CASZ1: variants seen among roughly 807,000 people sequenced by gnomAD.
CASZ1 encodes castor zinc finger 1, also known as zinc finger protein castor homolog 1.
Under a neutral mutation model 135.2 loss-of-function variants are expected in CASZ1, and 28 were observed. The observed-to-expected ratio is 0.21, with a 90% CI of 0.15 to 0.28. CASZ1 has a LOEUF of 0.28. Ranked by LOEUF, CASZ1 falls within the 10% of genes least tolerant of loss-of-function variation. The pLI is 1.00. For synonymous variants in CASZ1, 1,068 were observed against 1,073.4 expected (o/e 0.99, Z 0.10); for missense variants, 2,161 against 2,453.3 (o/e 0.88, Z 2.52).
intron 1 of CASZ1, among the ~76,000 whole-genome samples, chr1:10,764,412 T>G (rs1178649941): frequency 6.6e-6 from 1 of 152,248 alleles, no homozygotes; most frequent in Non-Finnish European, 1.5e-5. Context: ...TAGGCCAAAG[T>G]GAGAACTCTT....
In CASZ1 at chr1:10,707,591, G is replaced by A. The variant is rs1046587027; in HGVS notation, c.-76-2047C>T. On this transcript the variant is annotated intron_variant, in intron 2 of 20. Coordinates refer to ENST00000377022, the MANE Select transcript of CASZ1 (RefSeq NM_001079843.3). The surrounding 1 kb of genome is among the most constrained non-coding windows in gnomAD (Gnocchi z 5.0). ...CGTACAGGGACCAGGACATGCACGGGGTCCTGTACCCCACCTGCCCAGGGC... is the reference window on the plus strand; with the variant it reads ...CGTACAGGGACCAGGACATGCACGGAGTCCTGTACCCCACCTGCCCAGGGC... Among the ~76,000 whole-genome samples, 7 of 152,066 alleles carry A rather than the reference G, an allele frequency of 4.6e-5. No individual in the cohort carries two copies. The highest frequency in any genetic ancestry group is 1.7e-4 in the African/African-American group (7 of 41,374).
chr1:10,725,714 GC>G lies in CASZ1; in HGVS notation c.-76-20171del, dbSNP rs1002283401. 1.3e-5 allele frequency among the ~76,000 whole-genome samples: 2 copies of G among 150,478 alleles called. No homozygotes were observed. The highest frequency in any genetic ancestry group is 2.5e-5 in the African/African-American group (1 of 40,518). ...GGAGGTGGAAGCCAGGTTCTGGAAAGCCCTTTTTTTTTTTTTACTAGGAGAC... is the reference window on the plus strand; with the variant it reads ...GGAGGTGGAAGCCAGGTTCTGGAAAGCCTTTTTTTTTTTTTACTAGGAGAC... On this transcript the variant is annotated intron_variant, in intron 2 of 20. Coordinates refer to ENST00000377022, the MANE Select transcript of CASZ1 (RefSeq NM_001079843.3). This position sits in a 1 kb window ranked among gnomAD's most constrained non-coding sequence, Gnocchi z 4.4.
rs776099431 is a variant in CASZ1, at chr1:10,653,477, G to A, written c.2580C>T (p.Ala860=). The A allele has an allele frequency of 6.2e-7, 1 of 1,613,118 alleles. No homozygotes were observed. Among genetic ancestry groups the A allele is most frequent in the Non-Finnish European group, 8.5e-7 (1 of 1,179,916 alleles). Residue 860 remains alanine, a synonymous_variant, in exon 11 of 21, where the codon GCC becomes GCT. Coordinates refer to ENST00000377022, the MANE Select transcript of CASZ1 (RefSeq NM_001079843.3). ...VAAASVPAPP[A]SIMERISASK... is the part of the protein sequence containing the mutation. ...TTGCAGAGATCCTCTCCATGATGGAGGCGGGTGGTGCCGGGACAGAGGCGG... is the reference window on the plus strand; with the variant it reads ...TTGCAGAGATCCTCTCCATGATGGAAGCGGGTGGTGCCGGGACAGAGGCGG...
intron 1 of CASZ1, among the ~76,000 whole-genome samples, chr1:10,792,392 T>C (rs567869249): frequency 1.2e-5 from 1 of 86,212 alleles, no homozygotes; most frequent in Non-Finnish European, 2.1e-5. Flanking sequence ...TTGGGGGGGG[T>C]GTCCAGTTGA....
chr1:10,668,974 G>A (rs1265494683), intron 4 of CASZ1, among the ~76,000 whole-genome samples: 1 of 152,224 alleles, frequency 6.6e-6, no homozygotes, highest in East Asian at 1.9e-4. Flanking sequence ...GGGGCGGGCT[G>A]GCCTCTCAGC....
intron 1 of CASZ1, among the ~76,000 whole-genome samples, chr1:10,765,709 C>T (rs568284636): frequency 1.7e-4 from 26 of 152,308 alleles, no homozygotes; most frequent in Admixed American, 1.5e-3. Flanking sequence ...GGCAAGAACG[C>T]AGCTCAAGTG....
intron 2 of CASZ1, among the ~76,000 whole-genome samples, chr1:10,728,689 G>C (rs962243593): frequency 6.6e-5 from 10 of 151,890 alleles, no homozygotes; most frequent in African/African-American, 2.4e-4. Flanking sequence ...ACCCCGGCTT[G>C]AAAAAAAGCC....
At chr1:10,791,341 A>C (rs1270525375) in intron 1 of CASZ1, among the ~76,000 whole-genome samples, 1 of 152,238 alleles carries the variant, frequency 6.6e-6, no homozygotes, top group Non-Finnish European at 1.5e-5. Context: ...TTTCCAATTA[A>C]CTAGACTGGG....
At chr1:10,651,665 G>A (rs1465861180) in intron 11 of CASZ1, 5 of 152,548 alleles carry the variant, frequency 3.3e-5, no homozygotes, top group East Asian at 1.9e-4. Context: ...GGAGCTGGGC[G>A]GGTGAGGCCG....
rs147686383 is a variant in CASZ1, at chr1:10,702,643, G to A, written c.-24+2849C>T. On this transcript the variant is annotated intron_variant, in intron 3 of 20. Coordinates refer to ENST00000377022, the MANE Select transcript of CASZ1 (RefSeq NM_001079843.3). ...GCGGGGCTGGAGGCAGTGCTGGGAG[G>A]AGAGGGAGGCCAAGAACCCCATCGG... 5.1e-3 allele frequency among the ~76,000 whole-genome samples: 775 copies of A among 152,282 alleles called. 6 individuals are homozygous for A. Among genetic ancestry groups the A allele is most frequent in the Middle Eastern group, 0.01 (3 of 294 alleles).
intron 1 of CASZ1, among the ~76,000 whole-genome samples, chr1:10,773,558 ACTGAAC>A (rs1640611401): frequency 6.6e-6 from 1 of 151,918 alleles, no homozygotes; most frequent in Non-Finnish European, 1.5e-5. Flanking sequence ...CACCCCGGGG[ACTGAAC>A]ATGGTGAGGG....
At chr1:10,661,942 C>T (rs902638935) in intron 5 of CASZ1, among the ~76,000 whole-genome samples, 1 of 151,172 alleles carries the variant, frequency 6.6e-6, no homozygotes, top group Non-Finnish European at 1.5e-5. Context: ...GTCGCATGCA[C>T]TCATACGCCA....
rs1028175150 is a variant in CASZ1, at chr1:10,767,259, T to G, written c.-233-6402A>C. Among the ~76,000 whole-genome samples, 1 of 152,218 alleles carries G rather than the reference T, an allele frequency of 6.6e-6. No individual in the cohort carries two copies. On this transcript the variant is annotated intron_variant, in intron 1 of 20. Transcript: ENST00000377022. This position sits in a 1 kb window ranked among gnomAD's most constrained non-coding sequence, Gnocchi z 4.2. ...GGCCCAGGAGATCAGCGATGTCCTC[T>G]GACCCTTCCCTCTACCCAGGCAGGC...
chr1:10,708,539 A>G (rs1052407937), intron 2 of CASZ1, among the ~76,000 whole-genome samples: 4 of 152,170 alleles, frequency 2.6e-5, no homozygotes, highest in African/African-American at 9.7e-5. Flanking sequence ...CCTTCTTCCT[A>G]TCGGCTGCTG....
At chr1:10,783,063 CT>C (rs2100615971) in intron 1 of CASZ1, among the ~76,000 whole-genome samples, 1 of 152,312 alleles carries the variant, frequency 6.6e-6, no homozygotes, top group Admixed American at 6.5e-5. Context: ...GACTTTTCAG[CT>C]TCACATTAGC....
intron 1 of CASZ1, among the ~76,000 whole-genome samples, chr1:10,772,177 G>A (rs1010888643): frequency 6.6e-6 from 1 of 152,174 alleles, no homozygotes; most frequent in Admixed American, 6.5e-5. Context: ...GGAGGAGAAG[G>A]GGCATGGGTG....
rs376403206 is a variant in CASZ1 at position 10,707,588 on chromosome 1, C to A, written c.-76-2044G>T. On this transcript the variant is annotated intron_variant, in intron 2 of 20. Transcript: ENST00000377022. This position sits in a 1 kb window ranked among gnomAD's most constrained non-coding sequence, Gnocchi z 5.0. Reference sequence around the variant, plus strand: ...GTACGTACAGGGACCAGGACATGCACGGGGTCCTGTACCCCACCTGCCCAG... The same window carrying A: ...GTACGTACAGGGACCAGGACATGCAAGGGGTCCTGTACCCCACCTGCCCAG... Among the ~76,000 whole-genome samples the A allele has an allele frequency of 6.6e-6, 1 of 152,056 alleles. No homozygotes were observed. The highest frequency in any genetic ancestry group is 2.4e-5 in the African/African-American group (1 of 41,390).
At position 10,743,818 on chromosome 1, in the gene CASZ1, A is replaced by G. The variant is rs1253729904; in HGVS notation, c.-77+16883T>C. On this transcript the variant is annotated intron_variant, in intron 2 of 20. Transcript: ENST00000377022. The stretch of plus-strand genomic sequence containing the variant: ...GATGTCTTTTAGGTACCCGATGAGC[A>G]GAGAGCAAGAAGCGAGGGAAATTGT... Among the ~76,000 whole-genome samples, 12 of 138,274 alleles carry G rather than the reference A, an allele frequency of 8.7e-5. 1 individual carries two copies. Among genetic ancestry groups the G allele is most frequent in the Non-Finnish European group, 1.5e-4 (10 of 64,696 alleles). 90.7% of individuals were successfully genotyped at this position (138,274 alleles called of 152,430 possible). A position where few individuals can be genotyped will look rare whatever the true frequency, so the allele number is the denominator to read the frequency against.
chr1:10,711,183 G>A lies in CASZ1; in HGVS notation c.-76-5639C>T, dbSNP rs1167593548. Among the ~76,000 whole-genome samples, 2 of 152,184 alleles carry A rather than the reference G, an allele frequency of 1.3e-5. No homozygotes were observed. The highest frequency in any genetic ancestry group is 4.8e-5 in the African/African-American group (2 of 41,442). On this transcript the variant is annotated intron_variant, in intron 2 of 20. Coordinates refer to ENST00000377022, the MANE Select transcript of CASZ1 (RefSeq NM_001079843.3). This position sits in a 1 kb window ranked among gnomAD's most constrained non-coding sequence, Gnocchi z 4.4. Reference sequence around the variant, plus strand: ...TACAAAAGTCGAGTTGGTGAGAATTGAGTTTGAATCCTGCCTCTGCTGCCT... The same window carrying A: ...TACAAAAGTCGAGTTGGTGAGAATTAAGTTTGAATCCTGCCTCTGCTGCCT...
Sources: allele counts gnomAD v4.1 joint callset (sites outside exome capture counted in the v4.1 genomes callset), GRCh38; gene constraint gnomAD v4.1.1; non-coding constraint Gnocchi (gnomAD v3.1); transcripts MANE v1.5; gene names NCBI Gene and HGNC (gene_info 2026-07-23, HGNC 2026-07-21).